The following DLC1 variants were observed in gnomAD, a reference collection of about 807,000 sequenced individuals.
DLC1 encodes DLC1 Rho GTPase activating protein, also known as rho GTPase-activating protein 7.
Under a neutral mutation model 140.3 loss-of-function variants are expected in DLC1, and 54 were observed. The observed-to-expected ratio is 0.38, with a 90% confidence interval of 0.31 to 0.48. DLC1 has a LOEUF of 0.48. Ranked by LOEUF, DLC1 falls within the 20% of genes least tolerant of loss-of-function variation. DLC1 has a pLI of 0.96. For missense variants in DLC1, 2,536 were observed against 1,907.0 expected (o/e 1.33, Z -6.14); for synonymous variants, 986 against 728.1 (o/e 1.35, Z -5.70).
chr8:13,482,470 A>G (rs1009033614), intron 2 of DLC1, among the ~76,000 whole-genome samples: 5 of 152,200 alleles, frequency 3.3e-5, no homozygotes, highest in African/African-American at 1.2e-4. Flanking sequence ...GTCTTTATTC[A>G]GGTTAAGCGG....
rs774250564 is a variant in DLC1 at position 13,499,840 on chromosome 8, T to C, written c.232A>G (p.Met78Val). Reference protein sequence around the residue: ...SELRDFPGRPMGHLSKDVDEN... With the variant: ...SELRDFPGRPVGHLSKDVDEN... ...TCCACATCCTTTGAAAGATGACCCA[T>C]TGGCCTCCCAGGAAAATCTCTCAGC... Residue 78 changes from methionine to valine, a missense_variant, in exon 2 of 18, where the codon ATG becomes GTG. Transcript: ENST00000276297. The C allele has an allele frequency of 7.1e-5, 114 of 1,613,970 alleles. No individual in the cohort carries two copies. Among genetic ancestry groups the C allele is most frequent in the Non-Finnish European group, 9.1e-5 (107 of 1,180,006 alleles).
intron 1 of DLC1, among the ~76,000 whole-genome samples, chr8:13,564,121 G>C (rs984012731): frequency 6.6e-6 from 1 of 151,928 alleles, no homozygotes; most frequent in African/African-American, 2.4e-5. Context: ...CAAAAAAATA[G>C]CTATTAAAGT....
At chr8:13,274,516 C>T (rs1432887963) in intron 5 of DLC1, among the ~76,000 whole-genome samples, 1 of 152,210 alleles carries the variant, frequency 6.6e-6, no homozygotes, top group African/African-American at 2.4e-5. Context: ...TTTTTCATCA[C>T]ACATAAAAAT....
intron 5 of DLC1, among the ~76,000 whole-genome samples, chr8:13,151,375 C>T (rs917320372): frequency 3.3e-5 from 5 of 152,070 alleles, no homozygotes; most frequent in Non-Finnish European, 7.4e-5. Context: ...TTAATATCAC[C>T]GTTTTATGGA....
chr8:13,559,329 G>C (rs1391817786), intron 1 of DLC1: 1 of 152,214 alleles, frequency 6.6e-6, no homozygotes, highest in African/African-American at 2.4e-5. Flanking sequence ...AGCATGGAAG[G>C]CTCTAAAGAA....
At chr8:13,176,095 G>T (rs568253927) in intron 5 of DLC1, among the ~76,000 whole-genome samples, 5 of 152,158 alleles carry the variant, frequency 3.3e-5, no homozygotes, top group African/African-American at 9.6e-5. Flanking sequence ...TGCTTTTCTG[G>T]ATATAAACTT....
chr8:13,327,065 C>A (rs909543473), intron 4 of DLC1, among the ~76,000 whole-genome samples: 1 of 152,028 alleles, frequency 6.6e-6, no homozygotes, highest in Admixed American at 6.5e-5. Context: ...TGCCACTCTC[C>A]CGCCTCAGCC....
intron 5 of DLC1, chr8:13,133,301 G>A: frequency 1.6e-6 from 2 of 1,250,144 alleles, no homozygotes; most frequent in Non-Finnish European, 2.0e-6. Context: ...TCTCCCGCGC[G>A]CTCCGCCAGC....
At chr8:13,165,913 G>T (rs911413027) in intron 5 of DLC1, among the ~76,000 whole-genome samples, 2 of 152,240 alleles carry the variant, frequency 1.3e-5, no homozygotes, top group African/African-American at 2.4e-5. Flanking sequence ...GGGCAGATCT[G>T]GGAAAGTGTT....
chr8:13,252,442 C>T (rs182767265), intron 5 of DLC1, among the ~76,000 whole-genome samples: 307 of 152,192 alleles, frequency 2.0e-3, no homozygotes, highest in Middle Eastern at 6.8e-3. Flanking sequence ...TAACATGAAC[C>T]ATCAGTGCGG....
intron 5 of DLC1, among the ~76,000 whole-genome samples, chr8:13,143,537 C>A (rs1316092605): frequency 6.6e-6 from 1 of 152,036 alleles, no homozygotes; most frequent in Admixed American, 6.6e-5. Flanking sequence ...TTCACTGCAG[C>A]CTTGTACTCC....
intron 2 of DLC1, 117 bp from the exon 3 acceptor site, chr8:13,401,736 A>G: frequency 7.5e-7 from 1 of 1,327,232 alleles, no homozygotes; most frequent in Non-Finnish European, 1.0e-6. Flanking sequence ...GTCTTTAATT[A>G]GAAGAGAAGT....
chr8:13,308,201 A>G (rs1474804428), intron 4 of DLC1, among the ~76,000 whole-genome samples: 1 of 152,220 alleles, frequency 6.6e-6, no homozygotes, highest in Non-Finnish European at 1.5e-5. Flanking sequence ...AATACATTTT[A>G]GCCTCCTTAT....
chr8:13,198,451 G>A (rs539105445), intron 5 of DLC1, among the ~76,000 whole-genome samples: 180 of 152,228 alleles, frequency 1.2e-3, no homozygotes, highest in African/African-American at 4.2e-3. Flanking sequence ...CAGTTTTCCC[G>A]AGTGAAAGAA....
intron 5 of DLC1, among the ~76,000 whole-genome samples, chr8:13,205,236 TG>T (rs1381551687): frequency 2.0e-5 from 3 of 152,234 alleles, no homozygotes; most frequent in African/African-American, 7.2e-5. Flanking sequence ...GCAGGGCTTC[TG>T]AAAATGGGGT....
At chr8:13,207,644 C>T (rs568839140) in intron 5 of DLC1, among the ~76,000 whole-genome samples, 1 of 152,212 alleles carries the variant, frequency 6.6e-6, no homozygotes, top group East Asian at 1.9e-4. Flanking sequence ...TGCAGTGTTA[C>T]ATGAACGTTA....
chr8:13,098,034 GAAAAAAAA>G (rs35785512), intron 10 of DLC1, among the ~76,000 whole-genome samples: 42 of 68,420 alleles, frequency 6.1e-4, no homozygotes, highest in Non-Finnish European at 8.5e-4. Context: ...AAGGAAAAAA[GAAAAAAAA>G]AAAAAAAAAA....
intron 4 of DLC1, among the ~76,000 whole-genome samples, chr8:13,353,129 C>G (rs1413193510): frequency 2.6e-5 from 4 of 152,272 alleles, no homozygotes; most frequent in Non-Finnish European, 5.9e-5. Flanking sequence ...GGTGGCTATA[C>G]GTGGCTTTCC....
At chr8:13,572,730 G>A (rs894845412) in intron 1 of DLC1, among the ~76,000 whole-genome samples, 10 of 152,130 alleles carry the variant, frequency 6.6e-5, no homozygotes, top group Admixed American at 6.5e-5. Context: ...GATTGTTGAA[G>A]ATTCTGTTCT....
Sources: gnomAD v4.1 joint callset for allele counts (sites outside exome capture counted in the v4.1 genomes callset) on GRCh38, gnomAD v4.1.1 for gene constraint, MANE v1.5 for transcripts, NCBI Gene and HGNC (gene_info 2026-07-23, HGNC 2026-07-21) for gene names.